Variants in TEKT3 observed in about 807,000 individuals in gnomAD.
TEKT3 encodes tektin 3.
Under a neutral mutation model 49.8 loss-of-function variants are expected in TEKT3, and 49 were observed. The ratio of observed to expected loss-of-function variants is 0.98; its 90% CI spans 0.78 to 1.25. The LOEUF is 1.25. TEKT3 is among the 50% of genes most tolerant of loss of function. The pLI, the probability that TEKT3 is intolerant of heterozygous loss-of-function variation, is 0.00. For synonymous variants in TEKT3, 225 were observed against 237.2 expected (o/e 0.95, Z 0.47); for missense variants, 595 against 629.5 (o/e 0.95, Z 0.59).
chr17:15,323,584 A>T (rs1450078669), intron 4 of TEKT3, among the ~76,000 whole-genome samples: 1 of 152,202 alleles, frequency 6.6e-6, no homozygotes, highest in African/African-American at 2.4e-5. Context: ...ATAAGAAAAT[A>T]TTTCGTTGCA....
intron 6 of TEKT3, 127 bp downstream of exon 6, chr17:15,313,960 C>T: frequency 7.4e-7 from 1 of 1,342,684 alleles, no homozygotes; most frequent in Non-Finnish European, 1.0e-6. Flanking sequence ...TTGTCCAAAG[C>T]TGGGTGTGTT....
chr17:15,341,252 G>A (rs1330894462), intron 1 of TEKT3, among the ~76,000 whole-genome samples: 2 of 152,174 alleles, frequency 1.3e-5, no homozygotes, highest in Non-Finnish European at 2.9e-5. Flanking sequence ...AGTGTCGGGG[G>A]TTCGGATGCC....
At chr17:15,334,705 C>T (rs1911913955) in intron 2 of TEKT3, among the ~76,000 whole-genome samples, 1 of 152,164 alleles carries the variant, frequency 6.6e-6, no homozygotes, top group Non-Finnish European at 1.5e-5. Context: ...TCCTCATGTA[C>T]GGCAGTCAGT....
At position 15,340,065 on chromosome 17, in the gene TEKT3, G is replaced by C. The variant is rs143076418; in HGVS notation, c.-63-4C>G. On this transcript the variant is annotated splice_polypyrimidine_tract_variant and splice_region_variant and intron_variant, in intron 1 of 8. Transcript: ENST00000395930. ...AATTCAATTTCTTGGTATGTACCTA[G>C]AGAAATGCAAATATGTTTACAATTA... is the stretch of plus-strand genomic sequence containing the variant. 291 of 152,212 alleles carry C rather than the reference G, an allele frequency of 1.9e-3. 3 individuals are homozygous for C. The Middle Eastern group carries it at 0.024, about 12-fold the overall frequency. The allele number at this position is 152,212 out of a possible 1,614,324, so 9.4% of individuals were successfully genotyped here.
rs192517725 is a variant in TEKT3, at chr17:15,330,707, G to A, written c.579+300C>T. Among the ~76,000 whole-genome samples, 462 of 152,136 alleles carry A rather than the reference G, an allele frequency of 3.0e-3. 1 individual carries two copies. The highest frequency in any genetic ancestry group is 0.011 in the African/African-American group (446 of 41,502). On this transcript the variant is annotated intron_variant, in intron 3 of 8. Coordinates refer to ENST00000395930, the MANE Select transcript of TEKT3 (RefSeq NM_031898.3). ...TTCTTTATAGCAATGTGAGAATGGCGGAATACAGATGGCGTGTTCACCTTA... is the reference window on the plus strand; with the variant it reads ...TTCTTTATAGCAATGTGAGAATGGCAGAATACAGATGGCGTGTTCACCTTA...
In TEKT3 at chr17:15,304,132, T is replaced by C. The variant is rs779949263; in HGVS notation, c.1277A>G (p.Glu426Gly). The C allele has an allele frequency of 7.4e-6, 12 of 1,613,632 alleles. No individual in the cohort carries two copies. In the South Asian group the frequency reaches 1.3e-4, roughly 18 times the overall value. The change falls in exon 9 of 9, where the codon GAG becomes GGG. Residue 426 changes from glutamate to glycine, a missense_variant. By Grantham distance (98) the Glu-to-Gly change is moderately conservative. Coordinates refer to ENST00000395930, the MANE Select transcript of TEKT3 (RefSeq NM_031898.3). This position sits in a 1 kb window ranked among gnomAD's most constrained non-coding sequence, Gnocchi z 4.7. Reference sequence around the variant, plus strand: ...CAGGGTCTGGATGGTGTCGTCAACCTCGTGTACCTCGTTAACAAGGCTGCA... The same window carrying C: ...CAGGGTCTGGATGGTGTCGTCAACCCCGTGTACCTCGTTAACAAGGCTGCA... ...AQLRLVNEVH[E>G]VDDTIQTLQQ...
At chr17:15,320,822 C>G (rs566967357) in intron 4 of TEKT3, among the ~76,000 whole-genome samples, 2 of 152,150 alleles carry the variant, frequency 1.3e-5, no homozygotes, top group Non-Finnish European at 2.9e-5. Context: ...GTATGTGTAC[C>G]TGTGTGTACT....
chr17:15,321,272 G>A (rs1911245637), intron 4 of TEKT3, among the ~76,000 whole-genome samples: 1 of 152,030 alleles, frequency 6.6e-6, no homozygotes, highest in South Asian at 2.1e-4. Context: ...GCTTCCCAAA[G>A]TGCTGAGATT....
At chr17:15,315,317 C>T (rs879758933) in intron 5 of TEKT3, among the ~76,000 whole-genome samples, 11 of 152,148 alleles carry the variant, frequency 7.2e-5, no homozygotes, top group Non-Finnish European at 1.5e-4. Flanking sequence ...ATGCAGGGCC[C>T]TAATGGACAT....
chr17:15,312,240 C>T lies in TEKT3; in HGVS notation c.1101+19G>A, dbSNP rs1266490219. 6.2e-7 allele frequency: 1 copy of T among 1,611,572 alleles called. No homozygotes were observed. Among genetic ancestry groups the T allele is most frequent in the Non-Finnish European group, 8.5e-7 (1 of 1,177,992 alleles). ...CTCTGTCCAGGTCAGCTAAGGGGTACCACTGGCGGTTGATTTACCTTTGCT... is the reference window on the plus strand; with the variant it reads ...CTCTGTCCAGGTCAGCTAAGGGGTATCACTGGCGGTTGATTTACCTTTGCT... On this transcript the variant is annotated intron_variant, in intron 7 of 8. Coordinates refer to ENST00000395930, the MANE Select transcript of TEKT3 (RefSeq NM_031898.3).
At chr17:15,306,202 A>G (rs572376633) in intron 8 of TEKT3, among the ~76,000 whole-genome samples, 1 of 152,128 alleles carries the variant, frequency 6.6e-6, no homozygotes, top group Non-Finnish European at 1.5e-5. Flanking sequence ...AAAAATGCCA[A>G]GAATGTTTAG....
chr17:15,342,688 C>T (rs189803647), upstream of TEKT3, among the ~76,000 whole-genome samples: 22 of 152,264 alleles, frequency 1.4e-4, no homozygotes, highest in African/African-American at 4.1e-4. Flanking sequence ...AGAATGCTGC[C>T]TCAAGTGTTT....
At chr17:15,318,058 C>T (rs2150740558) in intron 5 of TEKT3, among the ~76,000 whole-genome samples, 1 of 147,268 alleles carries the variant, frequency 6.8e-6, no homozygotes, top group South Asian at 2.2e-4. Context: ...GGCGCAATCT[C>T]AGCTCACTGC....
intron 1 of TEKT3, among the ~76,000 whole-genome samples, chr17:15,340,865 T>A (rs1309890164): frequency 6.6e-6 from 1 of 152,222 alleles, no homozygotes; most frequent in Non-Finnish European, 1.5e-5. Context: ...AGTAAAACTG[T>A]ATATTTTTTT....
chr17:15,308,646 C>T lies in TEKT3; in HGVS notation c.1256+18G>A. ...GTGGCCCTCCGAGCGAGCCCCGAGCCTTCCCCTCCCACCTTACCGTAGCTG... is the reference window on the plus strand; with the variant it reads ...GTGGCCCTCCGAGCGAGCCCCGAGCTTTCCCCTCCCACCTTACCGTAGCTG... On this transcript the variant is annotated intron_variant, in intron 8 of 8. Coordinates refer to ENST00000395930, the MANE Select transcript of TEKT3 (RefSeq NM_031898.3). 6.3e-7 allele frequency: 1 copy of T among 1,596,352 alleles called. No individual in the cohort carries two copies. Among genetic ancestry groups the T allele is most frequent in the Non-Finnish European group, 8.6e-7 (1 of 1,167,230 alleles).
chr17:15,338,806 G>A (rs931545271), intron 2 of TEKT3, among the ~76,000 whole-genome samples: 27 of 150,252 alleles, frequency 1.8e-4, no homozygotes, highest in African/African-American at 4.7e-4. Flanking sequence ...GTGAGCCACC[G>A]CGCCCAGCCA....
Position 15,304,242 on chromosome 17 carries a change from A to G in TEKT3, c.1257-90T>C. 7.7e-7 allele frequency: 1 copy of G among 1,304,438 alleles called. No homozygotes were observed. Among genetic ancestry groups the G allele is most frequent in the Non-Finnish European group, 1.1e-6 (1 of 922,606 alleles). The allele number at this position is 1,304,438 out of a possible 1,614,324, so 80.8% of individuals were successfully genotyped here. On this transcript the variant is annotated intron_variant, in intron 8 of 8. Transcript: ENST00000395930. This position sits in a 1 kb window ranked among gnomAD's most constrained non-coding sequence, Gnocchi z 4.7. ...CATTGTAACCAGCGATGCAAAGCTC[A>G]CATTTTCTTTACTTTAGGATATATT...
intron 4 of TEKT3, among the ~76,000 whole-genome samples, chr17:15,326,171 G>A (rs534983687): frequency 2.6e-5 from 4 of 152,278 alleles, no homozygotes; most frequent in South Asian, 2.1e-4. Context: ...TGTTGATGCC[G>A]TGTGGGGATA....
At chr17:15,332,367 A>C (rs1911799657) in intron 2 of TEKT3, among the ~76,000 whole-genome samples, 1 of 152,194 alleles carries the variant, frequency 6.6e-6, no homozygotes, top group Non-Finnish European at 1.5e-5. Context: ...GAGCCCACCT[A>C]TTTATTAGCT....
Sources: gnomAD v4.1 joint callset for allele counts (sites outside exome capture counted in the v4.1 genomes callset) on GRCh38, gnomAD v4.1.1 for gene constraint, Gnocchi (gnomAD v3.1) non-coding constraint, MANE v1.5 for transcripts, NCBI Gene and HGNC (gene_info 2026-07-23, HGNC 2026-07-21) for gene names.